Variants in USH1C observed in about 807,000 individuals in gnomAD.
The protein encoded by USH1C is USH1 protein network component harmonin, also known as harmonin.
In USH1C, 90 loss-of-function variants were observed where a neutral mutation model predicts 119.3. That is an observed-to-expected ratio of 0.75 (90% CI 0.64 to 0.90). The LOEUF (loss-of-function observed/expected upper bound fraction) is 0.90. Among genes scored for constraint, USH1C ranks in the 40% least tolerant of loss-of-function variants. The pLI is 0.00. For missense variants in USH1C, 1,165 were observed against 1,167.7 expected, an observed-to-expected ratio of 1.00 and a Z score of 0.03; for synonymous variants, 465 against 443.3, an observed-to-expected ratio of 1.05 and a Z score of -0.62.
intron 1 of USH1C, among the ~76,000 whole-genome samples, chr11:17,535,248 C>T (rs564789088): frequency 6.6e-6 from 1 of 152,298 alleles, no homozygotes; most frequent in Non-Finnish European, 1.5e-5. Context: ...TCCTCTCCTA[C>T]CAGTCTTCCT....
intron 19 of USH1C, 141 bp from the exon 20 acceptor site, chr11:17,504,838 G>C: frequency 2.5e-6 from 2 of 794,440 alleles, no homozygotes; most frequent in Admixed American, 2.1e-5. Context: ...TACGTTAAAG[G>C]CCTGCTCAAT....
At chr11:17,516,409 G>A in intron 14 of USH1C, 119 bp from the exon 15 acceptor site, 1 of 1,039,164 alleles carries the variant, frequency 9.6e-7, no homozygotes, top group Non-Finnish European at 1.5e-6. Context: ...AAACAGCATT[G>A]GCAGATCCGA....
chr11:17,496,069 A>T (rs1394697374), intron 25 of USH1C, among the ~76,000 whole-genome samples: 1 of 152,098 alleles, frequency 6.6e-6, no homozygotes, highest in African/African-American at 2.4e-5. Context: ...GGACTCAGAG[A>T]CAGGGATGAA....
rs142135824 is a variant in USH1C at position 17,525,391 on chromosome 11, A to C, written c.675-856T>G. ...GGCACAAAACATTGAATAAATGTGA[A>C]TGAAAGGAAAGAACAGGGATAACTT... On this transcript the variant is annotated intron_variant, in intron 8 of 26. Transcript: ENST00000005226. 9.6e-3 allele frequency among the ~76,000 whole-genome samples: 1,457 copies of C among 152,396 alleles called. 17 individuals carry two copies. Among genetic ancestry groups the C allele is most frequent in the Non-Finnish European group, 0.015 (1,041 of 68,036 alleles).
chr11:17,527,449 C>T, intron 4 of USH1C, 118 bp from the exon 5 acceptor site: 1 of 838,214 alleles, frequency 1.2e-6, no homozygotes, highest in African/African-American at 1.7e-5. Context: ...GCTGTGCCAC[C>T]CCCTGGAATA....
chr11:17,514,933 G>A (rs1361662551), intron 15 of USH1C, among the ~76,000 whole-genome samples: 2 of 152,046 alleles, frequency 1.3e-5, no homozygotes. Flanking sequence ...ATTTCTGATG[G>A]GAGGTGGTAT....
chr11:17,539,132 C>T lies in USH1C; in HGVS notation c.36+5140G>A, dbSNP rs542193403. On this transcript the variant is annotated intron_variant, in intron 1 of 26. Coordinates refer to ENST00000005226, the MANE Select transcript of USH1C (RefSeq NM_153676.4). ...GGACTCCTCCTCTATCTTTAAGACT[C>T]ACTTCAAATGTCGCCTCTTCTTGGC... Among the ~76,000 whole-genome samples, 17 of 152,312 alleles carry T rather than the reference C, an allele frequency of 1.1e-4. No individual in the cohort carries two copies. The East Asian group carries it at 3.3e-3, about 29-fold the overall frequency.
intron 1 of USH1C, among the ~76,000 whole-genome samples, chr11:17,541,158 G>A (rs1015751457): frequency 6.6e-6 from 1 of 152,078 alleles, no homozygotes; most frequent in Non-Finnish European, 1.5e-5. Flanking sequence ...AGAGGCCTTC[G>A]TGACTGCCTA....
intron 15 of USH1C, among the ~76,000 whole-genome samples, chr11:17,513,117 A>G (rs537455240): frequency 6.6e-6 from 1 of 152,244 alleles, no homozygotes; most frequent in Admixed American, 6.5e-5. Flanking sequence ...ACATCTTGTA[A>G]CTGATAGTAC....
Position 17,499,054 on chromosome 11 carries a change from A to G in USH1C, c.2381-783T>C, listed in dbSNP as rs554037932. On this transcript the variant is annotated intron_variant, in intron 23 of 26. Transcript: ENST00000005226. ...TGGGGAAAGCTGAGTTATAAGCTGAACAGAGCTACTCACTGCAGGATTTGT... is the reference window on the plus strand; with the variant it reads ...TGGGGAAAGCTGAGTTATAAGCTGAGCAGAGCTACTCACTGCAGGATTTGT... Among the ~76,000 whole-genome samples the G allele has an allele frequency of 2.6e-5, 4 of 152,240 alleles. No individual in the cohort carries two copies. The East Asian group carries it at 5.8e-4, about 22-fold the overall frequency.
At chr11:17,523,576 G>A in intron 9 of USH1C, 98 bp from the exon 10 acceptor site, 1 of 1,184,458 alleles carries the variant, frequency 8.4e-7, no homozygotes, top group Non-Finnish European at 1.2e-6. Flanking sequence ...TCAGATGCTG[G>A]ATCTTCAAGT....
At chr11:17,537,197 T>G (rs1441130028) in intron 1 of USH1C, among the ~76,000 whole-genome samples, 1 of 152,216 alleles carries the variant, frequency 6.6e-6, no homozygotes, top group Non-Finnish European at 1.5e-5. Context: ...TCAAATTACT[T>G]TTCCAATATT....
At chr11:17,504,245 G>C (rs1401632424) in intron 20 of USH1C, among the ~76,000 whole-genome samples, 1 of 152,152 alleles carries the variant, frequency 6.6e-6, no homozygotes, top group South Asian at 2.1e-4. Flanking sequence ...GCTGTGATCT[G>C]CCCGGAGAAG....
At chr11:17,512,202 G>T in intron 15 of USH1C, 148 bp from the exon 16 acceptor site, 1 of 886,960 alleles carries the variant, frequency 1.1e-6, no homozygotes, top group Non-Finnish European at 1.8e-6. Flanking sequence ...TCAGACCTCA[G>T]GTTTAGGACA....
chr11:17,495,689 G>A lies in USH1C; in HGVS notation c.2547-12C>T, dbSNP rs764200947. ...AGGGAAGAGAAGCTCTATATATACA[G>A]AGCAGAGCAAGAAACACAAAACAGG... On this transcript the variant is annotated splice_polypyrimidine_tract_variant and intron_variant, in intron 25 of 26. Coordinates refer to ENST00000005226, the MANE Select transcript of USH1C (RefSeq NM_153676.4). The A allele has an allele frequency of 8.7e-6, 14 of 1,613,626 alleles. No individual in the cohort carries two copies. Among genetic ancestry groups the A allele is most frequent in the Middle Eastern group, 1.6e-4 (1 of 6,078 alleles).
intron 4 of USH1C, among the ~76,000 whole-genome samples, chr11:17,530,266 C>T (rs1850899307): frequency 6.6e-6 from 1 of 152,188 alleles, no homozygotes; most frequent in Non-Finnish European, 1.5e-5. Context: ...GCCCTGGGCT[C>T]AGGTAGGAGT....
chr11:17,521,882 T>G (rs1850428235), intron 12 of USH1C, among the ~76,000 whole-genome samples: 1 of 152,186 alleles, frequency 6.6e-6, no homozygotes, highest in Non-Finnish European at 1.5e-5. Context: ...ACCCAGGAGT[T>G]CAGTGGTGCG....
chr11:17,495,883 C>A (rs1482709601), intron 25 of USH1C, among the ~76,000 whole-genome samples: 1 of 151,762 alleles, frequency 6.6e-6, no homozygotes, highest in African/African-American at 2.4e-5. Context: ...GCAGGCCCAG[C>A]CACGACAGGG....
chr11:17,534,616 T>C (rs1416578068), intron 1 of USH1C, among the ~76,000 whole-genome samples: 1 of 152,152 alleles, frequency 6.6e-6, no homozygotes, highest in African/African-American at 2.4e-5. Flanking sequence ...GGCTCACGCC[T>C]ATAATCCCAG....
Sources: allele counts gnomAD v4.1 joint callset (sites outside exome capture counted in the v4.1 genomes callset), GRCh38; gene constraint gnomAD v4.1.1; transcripts MANE v1.5; gene names NCBI Gene and HGNC (gene_info 2026-07-23, HGNC 2026-07-21).